The following WARS1 variants were observed in gnomAD, a reference collection of about 807,000 sequenced individuals.
WARS1 encodes tryptophanyl-tRNA synthetase 1, also known as tryptophan--tRNA ligase, cytoplasmic.
WARS1 carries 17 observed loss-of-function variants against 47.8 expected under a neutral mutation model. That is an observed-to-expected ratio of 0.36 (90% CI 0.24 to 0.53). The LOEUF (loss-of-function observed/expected upper bound fraction) is 0.53, where lower values mean the gene tolerates loss of function less well. Among genes scored for constraint, WARS1 ranks in the 20% least tolerant of loss-of-function variants. WARS1 has a pLI of 0.91. For missense variants in WARS1, 434 were observed against 608.0 expected, an observed-to-expected ratio of 0.71 and a Z score of 3.01; for synonymous variants, 208 against 228.1, an observed-to-expected ratio of 0.91 and a Z score of 0.79.
chr14:100,347,300 C>G (rs1048243216), intron 6 of WARS1, among the ~76,000 whole-genome samples: 1 of 152,142 alleles, frequency 6.6e-6, no homozygotes, highest in African/African-American at 2.4e-5. Context: ...GGATAGAAAC[C>G]CACGGCCCGA....
intron 10 of WARS1, among the ~76,000 whole-genome samples, chr14:100,336,103 G>A (rs1595397680): frequency 6.6e-6 from 1 of 151,766 alleles, no homozygotes; most frequent in Admixed American, 6.6e-5. Context: ...GTAAAACCCT[G>A]TCTCTACTAA....
At chr14:100,360,469 G>C in intron 4 of WARS1, 85 bp downstream of exon 4, 1 of 1,030,764 alleles carries the variant, frequency 9.7e-7, no homozygotes, top group Admixed American at 2.1e-5. Flanking sequence ...ACAGTACCAG[G>C]TGGCTTATGA....
intron 1 of WARS1, among the ~76,000 whole-genome samples, chr14:100,371,699 C>T (rs1295183346): frequency 6.6e-6 from 1 of 152,128 alleles, no homozygotes; most frequent in African/African-American, 2.4e-5. Flanking sequence ...CATGCCACTG[C>T]ACTCCAACCT....
intron 4 of WARS1, among the ~76,000 whole-genome samples, chr14:100,358,500 G>A (rs1375013561): frequency 1.3e-5 from 2 of 152,118 alleles, no homozygotes; most frequent in Non-Finnish European, 2.9e-5. Context: ...TGAAGTTGGA[G>A]CTGTACCTCA....
intron 7 of WARS1, among the ~76,000 whole-genome samples, chr14:100,344,541 C>T (rs929136568): frequency 1.2e-4 from 18 of 152,130 alleles, no homozygotes; most frequent in African/African-American, 2.9e-4. Context: ...TGCCTGGCCG[C>T]CCATCGTCTG....
chr14:100,361,574 A>G (rs1280524164), intron 3 of WARS1, 134 bp downstream of exon 3: 1 of 795,042 alleles, frequency 1.3e-6, no homozygotes, highest in African/African-American at 1.7e-5. Flanking sequence ...AGATTTTAGT[A>G]TCCATTTTTT....
intron 7 of WARS1, among the ~76,000 whole-genome samples, chr14:100,343,636 T>G (rs1894324180): frequency 6.6e-6 from 1 of 152,118 alleles, no homozygotes; most frequent in Admixed American, 6.5e-5. Context: ...CTTGGCTTTT[T>G]CTTTTCCTTT....
intron 6 of WARS1, among the ~76,000 whole-genome samples, chr14:100,348,305 G>A: frequency 6.6e-6 from 1 of 152,256 alleles, no homozygotes; most frequent in East Asian, 1.9e-4. Context: ...CTGGCCGTTT[G>A]TGCTGGGCGA....
At chr14:100,342,902 T>C (rs1223177213) in intron 8 of WARS1, among the ~76,000 whole-genome samples, 1 of 152,054 alleles carries the variant, frequency 6.6e-6, no homozygotes. Context: ...TCCCCAACTT[T>C]CTTTCCTTTT....
chr14:100,351,162 T>A (rs1335635453), intron 6 of WARS1, among the ~76,000 whole-genome samples: 1 of 151,962 alleles, frequency 6.6e-6, no homozygotes, highest in Non-Finnish European at 1.5e-5. Flanking sequence ...TGAGATTAGC[T>A]CTGAGTTTTA....
intron 7 of WARS1, 107 bp from the exon 8 acceptor site, chr14:100,343,494 A>T (rs1894312763): frequency 1.3e-6 from 1 of 743,524 alleles, no homozygotes; most frequent in Non-Finnish European, 2.1e-6. Flanking sequence ...AACAATCATT[A>T]AAATAAATCT....
At chr14:100,341,532 AT>A in intron 9 of WARS1, among the ~76,000 whole-genome samples, 1 of 152,202 alleles carries the variant, frequency 6.6e-6, no homozygotes, top group Admixed American at 6.5e-5. Flanking sequence ...TCCCACTGCA[AT>A]CTTCTAGCCT....
chr14:100,366,916 T>A, intron 2 of WARS1: 2 of 1,607,148 alleles, frequency 1.2e-6, no homozygotes, highest in South Asian at 2.2e-5. Flanking sequence ...ATAAGAAGCA[T>A]CACTGAAGAT....
At chr14:100,371,045 C>T (rs8012938) in intron 1 of WARS1, among the ~76,000 whole-genome samples, 2 of 152,220 alleles carry the variant, frequency 1.3e-5, no homozygotes, top group South Asian at 4.1e-4. Context: ...AGAGCCTACA[C>T]TTTCAACCAT....
intron 3 of WARS1, 61 bp from the exon 4 acceptor site, chr14:100,360,723 T>G (rs546256552): frequency 1.6e-6 from 2 of 1,277,680 alleles, no homozygotes; most frequent in African/African-American, 1.5e-5. Context: ...CAGATATTAC[T>G]GAAATGAAGA....
upstream of WARS1, chr14:100,376,056 G>T (rs1896641218): frequency 6.4e-6 from 1 of 155,542 alleles, no homozygotes; most frequent in Non-Finnish European, 1.4e-5. Context: ...AAAGGGAGAC[G>T]GGGTGGGTCG....
At chr14:100,362,294 T>C (rs192229193) in intron 2 of WARS1, among the ~76,000 whole-genome samples, 148 of 152,360 alleles carry the variant, frequency 9.7e-4, no homozygotes, top group Middle Eastern at 3.4e-3. Context: ...AGAACGTGTG[T>C]GACAAGCTCC....
At chr14:100,337,282 G>T in intron 9 of WARS1, 80 bp from the exon 10 acceptor site, 1 of 1,568,602 alleles carries the variant, frequency 6.4e-7, no homozygotes, top group Non-Finnish European at 8.7e-7. Context: ...CCCAAGTGTG[G>T]AAGTCAGAGG....
At chr14:100,360,458 C>G (rs1895591635) in intron 4 of WARS1, 96 bp downstream of exon 4, 1 of 896,426 alleles carries the variant, frequency 1.1e-6, no homozygotes, top group Non-Finnish European at 1.7e-6. Context: ...TCACTTTTCC[C>G]ACAGTACCAG....
Sources: gnomAD v4.1 joint callset for allele counts (sites outside exome capture counted in the v4.1 genomes callset) on GRCh38, gnomAD v4.1.1 for gene constraint, MANE v1.5 for transcripts, NCBI Gene and HGNC (gene_info 2026-07-23, HGNC 2026-07-21) for gene names.